Variants in DEPDC1 observed in about 807,000 individuals in gnomAD.
DEPDC1 encodes DEP domain-containing protein 1A.
DEPDC1 carries 66 observed loss-of-function variants against 86.8 expected under a neutral mutation model. The ratio of observed to expected loss-of-function variants is 0.76; its 90% CI spans 0.62 to 0.93. The LOEUF is 0.93. DEPDC1 is among the 40% of genes least tolerant of loss of function. The pLI, the probability that DEPDC1 is intolerant of heterozygous loss-of-function variation, is 0.00. For missense variants in DEPDC1, 792 were observed against 935.7 expected, an observed-to-expected ratio of 0.85 and a Z score of 2.00; for synonymous variants, 255 against 314.9, an observed-to-expected ratio of 0.81 and a Z score of 2.02.
At chr1:68,495,129 C>T (rs568513874) in intron 1 of DEPDC1, among the ~76,000 whole-genome samples, 1 of 133,880 alleles carries the variant, frequency 7.5e-6, no homozygotes, top group East Asian at 2.0e-4. Flanking sequence ...GCAACAAGAG[C>T]AAAACTCAGT....
chr1:68,488,066 G>C (rs1378628629), intron 5 of DEPDC1, among the ~76,000 whole-genome samples: 1 of 151,660 alleles, frequency 6.6e-6, no homozygotes, highest in African/African-American at 2.4e-5. Context: ...TGACGTGTTG[G>C]AGGCCCTCAA....
chr1:68,493,068 G>A (rs1268079571), intron 2 of DEPDC1, among the ~76,000 whole-genome samples: 1 of 152,164 alleles, frequency 6.6e-6, no homozygotes, highest in Non-Finnish European at 1.5e-5. Flanking sequence ...AGATTGCCTA[G>A]GGAGAAGGTG....
In DEPDC1 at chr1:68,489,029, A is replaced by G; in HGVS notation, c.477T>C (p.Asn159=). 6.3e-7 allele frequency: 1 copy of G among 1,592,270 alleles called. No homozygotes were observed. The highest frequency in any genetic ancestry group is 8.6e-7 in the Non-Finnish European group (1 of 1,163,106). The change falls in exon 4 of 12, where the codon AAT becomes AAC. Residue 159 remains asparagine (N), a synonymous_variant. Transcript: ENST00000456315. ...KRHGLHLSQE[N]GEKIKHEIIN... is the part of the protein sequence containing the mutation. ...TTATTTCATGCTTTATTTTCTCGCC[A>G]TTTTCCTGAAAAAAGGATTATTTTG...
intron 2 of DEPDC1, among the ~76,000 whole-genome samples, chr1:68,490,058 T>C (rs1646219412): frequency 6.6e-6 from 1 of 152,182 alleles, no homozygotes. Flanking sequence ...AATAAAACAA[T>C]ACCCATGTAT....
chr1:68,486,555 T>G (rs539757435), intron 6 of DEPDC1, among the ~76,000 whole-genome samples: 2 of 151,834 alleles, frequency 1.3e-5, no homozygotes, highest in Non-Finnish European at 2.9e-5. Context: ...CATTAATATA[T>G]CTAGTATTCT....
At chr1:68,479,765 T>A (rs1646141470) in intron 9 of DEPDC1, among the ~76,000 whole-genome samples, 1 of 150,778 alleles carries the variant, frequency 6.6e-6, no homozygotes, top group Non-Finnish European at 1.5e-5. Flanking sequence ...ATCACACCAC[T>A]GTACTCTAGC....
chr1:68,495,082 C>T (rs191059469), intron 1 of DEPDC1, among the ~76,000 whole-genome samples: 196 of 151,838 alleles, frequency 1.3e-3, no homozygotes, highest in Non-Finnish European at 2.0e-3. Context: ...GCGGAGGTTG[C>T]GGTGAGCTGA....
intron 2 of DEPDC1, among the ~76,000 whole-genome samples, chr1:68,492,567 C>T (rs967378026): frequency 2.0e-5 from 3 of 151,806 alleles, no homozygotes; most frequent in African/African-American, 7.3e-5. Flanking sequence ...ATTAGCTGGG[C>T]GTGGTGGTGT....
In DEPDC1 at chr1:68,481,577, C is replaced by T. The variant is rs779884641; in HGVS notation, c.1798G>A (p.Asp600Asn). The T allele has an allele frequency of 8.1e-6, 13 of 1,608,338 alleles. No homozygotes were observed. Among genetic ancestry groups the T allele is most frequent in the Admixed American group, 1.7e-5 (1 of 59,366 alleles). The change falls in exon 9 of 12, where the codon GAT (aspartate) becomes AAT (asparagine). Residue 600 changes from aspartate to asparagine, a missense_variant. Transcript: ENST00000456315. ...LQPHLERVAI[D>N]ALQLCCLLLP... ...AACAAACAACATAACTGTAGAGCATCGATGGCAACCCTCTCTAAATGAGGT... is the reference window on the plus strand; with the variant it reads ...AACAAACAACATAACTGTAGAGCATTGATGGCAACCCTCTCTAAATGAGGT...
Position 68,496,856 on chromosome 1 carries a change from G to C in DEPDC1, c.48+96C>G. On this transcript the variant is annotated intron_variant, in intron 1 of 11. Coordinates refer to ENST00000456315, the MANE Select transcript of DEPDC1 (RefSeq NM_001114120.3). The surrounding 1 kb of genome is among the most constrained non-coding windows in gnomAD (Gnocchi z 4.0). ...TAGGGATCCTGGGACTCATCCCTCC[G>C]ACCGAGGTAAAACTGCGAACGGTCG... 7.8e-7 allele frequency: 1 copy of C among 1,282,866 alleles called. No individual in the cohort carries two copies. Among genetic ancestry groups the C allele is most frequent in the Non-Finnish European group, 1.1e-6 (1 of 897,988 alleles). The allele number at this position is 1,282,866 out of a possible 1,614,324, so 79.5% of individuals were successfully genotyped here.
chr1:68,481,480 T>A lies in DEPDC1; in HGVS notation c.1895A>T (p.Asp632Val). The A allele has an allele frequency of 6.2e-7, 1 of 1,612,552 alleles. No homozygotes were observed. The change falls in exon 9 of 12, where the codon GAT becomes GTT. Residue 632 changes from aspartate to valine, a missense_variant. Physicochemically the swap from Asp to Val is radical, Grantham distance 152 (BLOSUM62 -3). Transcript: ENST00000456315. ...RMISRMSQNV[D>V]MPKLHDAMGT... is the part of the protein sequence containing the mutation. ...CATTGCATCATGAAGTTTGGGCATATCAACATTTTGACTCATTCGGGAAAT... is the reference window on the plus strand; with the variant it reads ...CATTGCATCATGAAGTTTGGGCATAACAACATTTTGACTCATTCGGGAAAT...
At chr1:68,484,687 A>T (rs1646180136) in intron 6 of DEPDC1, among the ~76,000 whole-genome samples, 1 of 151,978 alleles carries the variant, frequency 6.6e-6, no homozygotes, top group Admixed American at 6.6e-5. Context: ...TTTGAATTAG[A>T]AGTTAGAGCA....
chr1:68,477,891 C>A lies in DEPDC1; in HGVS notation c.2194G>T (p.Glu732Ter). Residue 732 changes from glutamate to a stop codon, truncating the protein, a stop_gained, in exon 11 of 12, where the codon GAG (glutamate) becomes TAG (stop). Coordinates refer to ENST00000456315, the MANE Select transcript of DEPDC1 (RefSeq NM_001114120.3). LOFTEE classifies it high-confidence loss of function. ...CKQISAQEFDEQKVSTSQAAI... is the reference protein window; with the variant it reads ...CKQISAQEFD ...GCTTGAGAGGTAGAAACTTTTTGCT[C>A]ATCAAACTCCTGAGCACTAATCTGC... The A allele has an allele frequency of 6.3e-7, 1 of 1,587,798 alleles. No homozygotes were observed. Among genetic ancestry groups the A allele is most frequent in the South Asian group, 1.2e-5 (1 of 83,944 alleles).
At chr1:68,480,252 C>CACCACACACA (rs1553155658) in intron 9 of DEPDC1, among the ~76,000 whole-genome samples, 3,859 of 145,464 alleles carry the variant, frequency 0.027, 68 homozygotes, top group Middle Eastern at 0.059. Context: ...TCTAACTGTA[C>CACCACACACA]CACACACACA....
Position 68,482,135 on chromosome 1 carries a change from G to A in DEPDC1, c.1673C>T (p.Ala558Val). The change falls in exon 8 of 12, where the codon GCC becomes GTC. Residue 558 changes from alanine to valine, a missense_variant. Transcript: ENST00000456315. ...AMESELGESS[A>V]TINKRLCKST... ...TTTGCAGAGTCTTTTATTGATTGTG[G>A]CACTAGACTCTCCGAGTTCACTTTC... 1.9e-6 allele frequency: 3 copies of A among 1,612,694 alleles called. No homozygotes were observed. The highest frequency in any genetic ancestry group is 2.5e-6 in the Non-Finnish European group (3 of 1,179,078).
chr1:68,494,512 T>G lies in DEPDC1; in HGVS notation c.232A>C (p.Lys78Gln). 1 of 1,613,790 alleles carries G rather than the reference T, an allele frequency of 6.2e-7. No homozygotes were observed. Among genetic ancestry groups the G allele is most frequent in the Non-Finnish European group, 8.5e-7 (1 of 1,179,780 alleles). Residue 78 changes from lysine (K) to glutamine (Q), a missense_variant, in exon 2 of 12, where the codon AAA becomes CAA. Transcript: ENST00000456315. Reference sequence around the variant, plus strand: ...TCAATTACATGATTCTTAAGAAATTTCCTCAACAGTTGGATAGTCTGTTGC... The same window carrying G: ...TCAATTACATGATTCTTAAGAAATTGCCTCAACAGTTGGATAGTCTGTTGC... ...TRQQTIQLLR[K>Q]FLKNHVIEDI...
At chr1:68,483,409 C>A in intron 7 of DEPDC1, 1 of 474,800 alleles carries the variant, frequency 2.1e-6, no homozygotes, top group South Asian at 1.6e-5. Flanking sequence ...TTTTCATCAC[C>A]AACTACAACC....
rs1055978947 is a variant in DEPDC1, at chr1:68,496,862, G to A, written c.48+90C>T. ...TCCTGGGACTCATCCCTCCGACCGA[G>A]GTAAAACTGCGAACGGTCGAGGTAA... On this transcript the variant is annotated intron_variant, in intron 1 of 11. Transcript: ENST00000456315. This position sits in a 1 kb window ranked among gnomAD's most constrained non-coding sequence, Gnocchi z 4.0. 7.4e-7 allele frequency: 1 copy of A among 1,358,008 alleles called. No homozygotes were observed. The highest frequency in any genetic ancestry group is 1.0e-6 in the Non-Finnish European group (1 of 961,180). 84.1% of individuals were successfully genotyped at this position (1,358,008 alleles called of 1,614,324 possible).
chr1:68,482,147 C>A lies in DEPDC1; in HGVS notation c.1661G>T (p.Gly554Val). The A allele has an allele frequency of 6.2e-7, 1 of 1,612,902 alleles. No homozygotes were observed. Among genetic ancestry groups the A allele is most frequent in the Non-Finnish European group, 8.5e-7 (1 of 1,179,188 alleles). Residue 554 changes from glycine (G) to valine (V), a missense_variant, in exon 8 of 12, where the codon GGA becomes GTA. Transcript: ENST00000456315. ...SVQTAMESEL[G>V]ESSATINKRL... ...TTTATTGATTGTGGCACTAGACTCT[C>A]CGAGTTCACTTTCCATAGCTGTTTG...
Sources: gnomAD v4.1 joint callset for allele counts (sites outside exome capture counted in the v4.1 genomes callset) on GRCh38, gnomAD v4.1.1 for gene constraint, Gnocchi (gnomAD v3.1) non-coding constraint, MANE v1.5 for transcripts, NCBI Gene and HGNC (gene_info 2026-07-23, HGNC 2026-07-21) for gene names.